Variants in DLGAP2 observed in about 807,000 individuals in gnomAD.
The protein encoded by DLGAP2 is DLG associated protein 2.
DLGAP2 carries 26 observed loss-of-function variants against 100.3 expected under a neutral mutation model. The ratio of observed to expected loss-of-function variants is 0.26; its 90% CI spans 0.19 to 0.36. The LOEUF (loss-of-function observed/expected upper bound fraction) is 0.36, where lower values mean the gene tolerates loss of function less well. Among genes scored for constraint, DLGAP2 ranks in the 10% least tolerant of loss-of-function variants. The pLI is 1.00. For missense variants in DLGAP2, 1,858 were observed against 1,453.2 expected, an observed-to-expected ratio of 1.28 and a Z score of -4.53; for synonymous variants, 886 against 630.1, an observed-to-expected ratio of 1.41 and a Z score of -6.08.
Position 1,549,100 on chromosome 8 carries a change from C to T in DLGAP2, c.647C>T (p.Ser216Phe). 3 of 1,582,454 alleles carry T rather than the reference C, an allele frequency of 1.9e-6. No homozygotes were observed. Among genetic ancestry groups the T allele is most frequent in the Non-Finnish European group, 2.6e-6 (3 of 1,167,622 alleles). The change falls in exon 5 of 15, where the codon TCC becomes TTC. Residue 216 changes from serine to phenylalanine, a missense_variant. Coordinates refer to ENST00000637795, the MANE Select transcript of DLGAP2 (RefSeq NM_001346810.2). ...CACACGCTGCAGTACCAGAGGACGT[C>T]CGCGGCCGCCGAGCAGCGCAGCGAG... ...GFHTLQYQRT[S>F]AAAEQRSESP...
intron 2 of DLGAP2, among the ~76,000 whole-genome samples, chr8:1,237,200 A>T: frequency 5.8e-5 from 7 of 120,276 alleles, no homozygotes; most frequent in South Asian, 2.8e-4. Flanking sequence ...TAGTTCTCTC[A>T]CGTGGTGCCG....
At chr8:1,238,557 C>G (rs1433894318) in intron 2 of DLGAP2, among the ~76,000 whole-genome samples, 5 of 88,434 alleles carry the variant, frequency 5.7e-5, no homozygotes, top group South Asian at 6.5e-4. Flanking sequence ...GGTGCCGTGT[C>G]TAGTTCTCTC....
intron 3 of DLGAP2, among the ~76,000 whole-genome samples, chr8:1,341,753 G>T (rs1368830306): frequency 6.6e-6 from 1 of 152,146 alleles, no homozygotes; most frequent in East Asian, 1.9e-4. Flanking sequence ...GGGTGTGCTA[G>T]CAGGTGTCAT....
At position 787,244 on chromosome 8, in the gene DLGAP2, A is replaced by G. The variant is rs151269341; in HGVS notation, c.18+49419A>G. On this transcript the variant is annotated intron_variant, in intron 1 of 14. Transcript: ENST00000637795. Reference sequence around the variant, plus strand: ...TTCCTGTCTCAATCGCTCGTGTTCGAACGTTAGTAACTATGGCAGAGCCTG... The same window carrying G: ...TTCCTGTCTCAATCGCTCGTGTTCGGACGTTAGTAACTATGGCAGAGCCTG... Among the ~76,000 whole-genome samples, 880 of 152,206 alleles carry G rather than the reference A, an allele frequency of 5.8e-3. 9 individuals are homozygous for G. Among genetic ancestry groups the G allele is most frequent in the African/African-American group, 0.02 (824 of 41,538 alleles).
chr8:1,307,428 AG>A (rs1325812360), intron 3 of DLGAP2, among the ~76,000 whole-genome samples: 1 of 152,234 alleles, frequency 6.6e-6, no homozygotes, highest in East Asian at 1.9e-4. Context: ...GTGAGAATAT[AG>A]AAAGATGTTC....
intron 2 of DLGAP2, among the ~76,000 whole-genome samples, chr8:1,196,764 C>T (rs1158453635): frequency 6.6e-6 from 1 of 152,190 alleles, no homozygotes; most frequent in East Asian, 1.9e-4. Flanking sequence ...TGCCTCCTGG[C>T]TTGGACGGCT....
At chr8:1,327,117 C>G (rs1040177779) in intron 3 of DLGAP2, among the ~76,000 whole-genome samples, 1 of 152,238 alleles carries the variant, frequency 6.6e-6, no homozygotes, top group Non-Finnish European at 1.5e-5. Context: ...GAGAGCGGAG[C>G]CTGCCTTCCA....
At chr8:1,207,538 A>G (rs1459246079) in intron 2 of DLGAP2, among the ~76,000 whole-genome samples, 1 of 152,182 alleles carries the variant, frequency 6.6e-6, no homozygotes, top group Non-Finnish European at 1.5e-5. Context: ...TGCATGTGCA[A>G]GGATCTTTTT....
At chr8:1,181,766 C>T (rs1037326693) in intron 2 of DLGAP2, among the ~76,000 whole-genome samples, 19 of 152,132 alleles carry the variant, frequency 1.2e-4, no homozygotes, top group African/African-American at 4.6e-4. Flanking sequence ...GCTCCCCAGG[C>T]TGGGCTAGGG....
intron 3 of DLGAP2, among the ~76,000 whole-genome samples, chr8:1,272,007 T>G (rs61002578): frequency 0.011 from 1,655 of 152,070 alleles, 38 homozygotes; most frequent in African/African-American, 0.037. Flanking sequence ...AGAGATGGGA[T>G]TTCACTACAC....
intron 1 of DLGAP2, among the ~76,000 whole-genome samples, chr8:868,110 T>C (rs1033309128): frequency 2.6e-5 from 4 of 152,204 alleles, no homozygotes; most frequent in African/African-American, 9.6e-5. Context: ...AAAAATGATG[T>C]TGCATTTTTT....
At chr8:1,029,779 T>C (rs1405078778) in intron 2 of DLGAP2, among the ~76,000 whole-genome samples, 1 of 152,114 alleles carries the variant, frequency 6.6e-6, no homozygotes, top group Non-Finnish European at 1.5e-5. Flanking sequence ...GAGAAGGCCA[T>C]GAGCACCAAA....
intron 3 of DLGAP2, among the ~76,000 whole-genome samples, chr8:1,345,081 C>T (rs1801523583): frequency 6.6e-6 from 1 of 152,226 alleles, no homozygotes; most frequent in Non-Finnish European, 1.5e-5. Flanking sequence ...TTGCAAAGTT[C>T]ATGACTCGGG....
At chr8:793,724 C>T (rs1243082765) in intron 1 of DLGAP2, among the ~76,000 whole-genome samples, 1 of 152,224 alleles carries the variant, frequency 6.6e-6, no homozygotes, top group Non-Finnish European at 1.5e-5. Context: ...CACAGACTTT[C>T]TCTTCTGTGT....
chr8:1,173,085 G>A (rs566975168), intron 2 of DLGAP2, among the ~76,000 whole-genome samples: 25 of 152,310 alleles, frequency 1.6e-4, no homozygotes, highest in Non-Finnish European at 2.8e-4. Context: ...CTGTTTGTTA[G>A]TTTTCCTTCT....
chr8:1,635,681 A>G (rs949017581), intron 8 of DLGAP2, among the ~76,000 whole-genome samples: 3 of 152,256 alleles, frequency 2.0e-5, no homozygotes, highest in African/African-American at 7.2e-5. Context: ...TGCAGGCTCA[A>G]AAGGTAAAAG....
In DLGAP2 at chr8:1,317,179, G is replaced by A. The variant is rs1276785847; in HGVS notation, c.106+58296G>A. Among the ~76,000 whole-genome samples, 2 of 128,468 alleles carry A rather than the reference G, an allele frequency of 1.6e-5. 1 individual carries two copies. Among genetic ancestry groups the A allele is most frequent in the Non-Finnish European group, 3.2e-5 (2 of 62,466 alleles). The allele number at this position is 128,468 out of a possible 152,430, so 84.3% of individuals were successfully genotyped here. ...CTCGGCAGCTTTAAAAATAGAGCGT[G>A]TGTGAGTGCAGCGTCTCTCCAACAG... On this transcript the variant is annotated intron_variant, in intron 3 of 14. Coordinates refer to ENST00000637795, the MANE Select transcript of DLGAP2 (RefSeq NM_001346810.2).
chr8:975,759 C>T (rs1370184083), intron 2 of DLGAP2, among the ~76,000 whole-genome samples: 1 of 152,152 alleles, frequency 6.6e-6, no homozygotes, highest in African/African-American at 2.4e-5. Flanking sequence ...TTACAAAAAA[C>T]CCTGTAGCTA....
intron 1 of DLGAP2, among the ~76,000 whole-genome samples, chr8:841,914 T>TA (rs1455719602): frequency 6.6e-6 from 1 of 152,228 alleles, no homozygotes; most frequent in Non-Finnish European, 1.5e-5. Context: ...ATAATAGAGT[T>TA]ACAGCAGTCC....
Sources: allele counts gnomAD v4.1 joint callset (sites outside exome capture counted in the v4.1 genomes callset), GRCh38; gene constraint gnomAD v4.1.1; transcripts MANE v1.5; gene names NCBI Gene and HGNC (gene_info 2026-07-23, HGNC 2026-07-21).